PAH: variants seen among roughly 807,000 people sequenced by gnomAD.
PAH encodes phenylalanine hydroxylase.
A neutral mutation model predicts 62.0 loss-of-function variants in PAH; 64 were observed. That is an observed-to-expected ratio of 1.03 (90% CI 0.84 to 1.27). The LOEUF (loss-of-function observed/expected upper bound fraction) is 1.27. Ranked by LOEUF, PAH falls within the 50% of genes most tolerant of loss-of-function variation. The pLI, the probability that PAH is intolerant of heterozygous loss-of-function variation, is 0.00. For synonymous variants in PAH, 195 were observed against 196.2 expected, an observed-to-expected ratio of 0.99 and a Z score of 0.05; for missense variants, 579 against 542.8, an observed-to-expected ratio of 1.07 and a Z score of -0.66.
chr12:102,842,271 A>G (rs937999023), intron 11 of PAH, among the ~76,000 whole-genome samples: 1 of 152,130 alleles, frequency 6.6e-6, no homozygotes, highest in Non-Finnish European at 1.5e-5. Context: ...GAGGGGGATG[A>G]TGCTGGAAGG....
At chr12:102,846,977 G>C (rs1459824178) in intron 8 of PAH, 26 bp from the exon 9 acceptor site, 2 of 1,604,118 alleles carry the variant, frequency 1.2e-6, no homozygotes, top group East Asian at 2.2e-5. Context: ...AATAGAACCT[G>C]TTCTGTTCCT....
At position 102,857,628 on chromosome 12, in the gene PAH, G is replaced by T. The variant is rs186386472; in HGVS notation, c.510-2296C>A. On this transcript the variant is annotated intron_variant, in intron 5 of 12. Coordinates refer to ENST00000553106, the MANE Select transcript of PAH (RefSeq NM_000277.3). ...CCATCAGACTAACAGCTGATCTCTC[G>T]GCAGAAACTCTACCAGCCAGAAGAG... Among the ~76,000 whole-genome samples the T allele has an allele frequency of 2.0e-3, 311 of 152,234 alleles. 2 individuals are homozygous for T. The highest frequency in any genetic ancestry group is 7.2e-3 in the African/African-American group (299 of 41,540).
chr12:102,867,761 T>C (rs1244323833), intron 4 of PAH, among the ~76,000 whole-genome samples: 1 of 151,574 alleles, frequency 6.6e-6, no homozygotes, highest in Non-Finnish European at 1.5e-5. Flanking sequence ...TTGTTTTTTG[T>C]TTTGGTTGCT....
At position 102,871,840 on chromosome 12, in the gene PAH, T is replaced by C. The variant is rs1876329623; in HGVS notation, c.442-5177A>G. On this transcript the variant is annotated intron_variant, in intron 4 of 12. Transcript: ENST00000553106. ...GGGAGGCTGAGGCAGGAGAACTGCTTGAACCTGGGAGGCAGAGGTTGCAGT... is the reference window on the plus strand; with the variant it reads ...GGGAGGCTGAGGCAGGAGAACTGCTCGAACCTGGGAGGCAGAGGTTGCAGT... 2.7e-5 allele frequency among the ~76,000 whole-genome samples: 4 copies of C among 150,440 alleles called. No homozygotes were observed. In the South Asian group the frequency reaches 8.4e-4, roughly 32 times the overall value.
chr12:102,924,166 C>A (rs990281120), intron 1 of PAH, among the ~76,000 whole-genome samples: 1 of 152,182 alleles, frequency 6.6e-6, no homozygotes, highest in Non-Finnish European at 1.5e-5. Context: ...TAGTGAAATT[C>A]TCTTCCCAGC....
intron 5 of PAH, among the ~76,000 whole-genome samples, chr12:102,865,526 T>C (rs1421242653): frequency 6.6e-6 from 1 of 152,184 alleles, no homozygotes; most frequent in Non-Finnish European, 1.5e-5. Context: ...ATAATAAGTA[T>C]GATCTGTTAT....
chr12:102,931,145 C>A (rs1385061552), intron 1 of PAH, among the ~76,000 whole-genome samples: 3 of 152,032 alleles, frequency 2.0e-5, no homozygotes, highest in Non-Finnish European at 4.4e-5. Context: ...AATAAGGTGG[C>A]ATTTACTTGG....
intron 5 of PAH, among the ~76,000 whole-genome samples, chr12:102,866,200 G>C (rs1378368056): frequency 6.6e-6 from 1 of 152,060 alleles, no homozygotes; most frequent in African/African-American, 2.4e-5. Flanking sequence ...CAGTAAAGCA[G>C]CCAGCTCCTT....
rs566699605 is a variant in PAH, at chr12:102,860,116, T to G, written c.510-4784A>C. Among the ~76,000 whole-genome samples the G allele has an allele frequency of 8.0e-3, 1,224 of 152,192 alleles. 8 individuals are homozygous for G. Among genetic ancestry groups the G allele is most frequent in the Non-Finnish European group, 0.013 (898 of 67,984 alleles). Reference sequence around the variant, plus strand: ...GCCCAAAATCTCCTTAAGCTGATAATCAACTTCAGCAAAGTCTCAGGATAC... The same window carrying G: ...GCCCAAAATCTCCTTAAGCTGATAAGCAACTTCAGCAAAGTCTCAGGATAC... On this transcript the variant is annotated intron_variant, in intron 5 of 12. Transcript: ENST00000553106.
intron 3 of PAH, among the ~76,000 whole-genome samples, chr12:102,883,956 C>CTCCCA (rs1226255933): frequency 6.6e-6 from 1 of 152,188 alleles, no homozygotes; most frequent in Non-Finnish European, 1.5e-5. Flanking sequence ...TTAAAATGAA[C>CTCCCA]TCATGTATGA....
intron 5 of PAH, among the ~76,000 whole-genome samples, chr12:102,864,692 T>G (rs1875871674): frequency 6.6e-6 from 1 of 151,962 alleles, no homozygotes; most frequent in African/African-American, 2.4e-5. Flanking sequence ...AGAATCAAAT[T>G]TTTTCTCCTC....
chr12:102,891,038 T>C (rs1877256460), intron 3 of PAH, among the ~76,000 whole-genome samples: 1 of 152,110 alleles, frequency 6.6e-6, no homozygotes. Context: ...GAGCAGAGAT[T>C]GTGCCACTGT....
chr12:102,956,676 C>T (rs1293099164), intron 1 of PAH, among the ~76,000 whole-genome samples: 3 of 152,122 alleles, frequency 2.0e-5, no homozygotes, highest in Non-Finnish European at 4.4e-5. Flanking sequence ...GCACTCCCTT[C>T]TTTATGATAT....
chr12:102,887,203 G>C (rs1416514699), intron 3 of PAH, among the ~76,000 whole-genome samples: 1 of 151,502 alleles, frequency 6.6e-6, no homozygotes. Flanking sequence ...AAAGAAGGAA[G>C]CAAGGAGGAA....
intron 5 of PAH, among the ~76,000 whole-genome samples, chr12:102,859,681 A>G (rs1875627380): frequency 6.6e-6 from 1 of 152,234 alleles, no homozygotes; most frequent in African/African-American, 2.4e-5. Flanking sequence ...ACACAAATCA[A>G]TAAATGTAAT....
chr12:102,939,211 T>A (rs1879209457), intron 1 of PAH, among the ~76,000 whole-genome samples: 1 of 151,746 alleles, frequency 6.6e-6, no homozygotes, highest in Non-Finnish European at 1.5e-5. Flanking sequence ...TCAAGTAGAG[T>A]TCCCCCAAGC....
intron 3 of PAH, among the ~76,000 whole-genome samples, chr12:102,888,549 G>A (rs562798488): frequency 6.7e-6 from 1 of 149,276 alleles, no homozygotes; most frequent in Non-Finnish European, 1.5e-5. Context: ...AAACTAGATG[G>A]GCTGCAGAAA....
intron 2 of PAH, among the ~76,000 whole-genome samples, chr12:102,912,143 A>G (rs973543316): frequency 6.6e-6 from 1 of 152,228 alleles, no homozygotes; most frequent in Non-Finnish European, 1.5e-5. Context: ...ACTTAGTATA[A>G]TTAGTTTTAT....
At chr12:102,947,911 G>C (rs1879569292) in intron 1 of PAH, among the ~76,000 whole-genome samples, 1 of 152,112 alleles carries the variant, frequency 6.6e-6, no homozygotes, top group Admixed American at 6.5e-5. Flanking sequence ...GTTAGGAGAA[G>C]ACTAGTGCCC....
Sources: allele counts gnomAD v4.1 joint callset (sites outside exome capture counted in the v4.1 genomes callset), GRCh38; gene constraint gnomAD v4.1.1; transcripts MANE v1.5; gene names NCBI Gene and HGNC (gene_info 2026-07-23, HGNC 2026-07-21).